Variants in CECR2 observed in about 807,000 individuals in gnomAD.
CECR2 encodes the protein CECR2 histone acetyl-lysine reader, also known as chromatin remodeling regulator CECR2.
Under a neutral mutation model 154.5 loss-of-function variants are expected in CECR2, and 30 were observed. The observed-to-expected ratio is 0.19, with a 90% CI of 0.15 to 0.26. The LOEUF (loss-of-function observed/expected upper bound fraction) is 0.26, where lower values mean the gene tolerates loss of function less well. Ranked by LOEUF, CECR2 falls within the 10% of genes least tolerant of loss-of-function variation. CECR2 has a pLI of 1.00. For missense variants in CECR2, 1,743 were observed against 1,829.3 expected, an observed-to-expected ratio of 0.95 and a Z score of 0.86; for synonymous variants, 725 against 683.7, an observed-to-expected ratio of 1.06 and a Z score of -0.94.
At chr22:17,496,035 T>C (rs1019332550) in intron 2 of CECR2, among the ~76,000 whole-genome samples, 3 of 152,100 alleles carry the variant, frequency 2.0e-5, no homozygotes, top group Middle Eastern at 3.2e-3. Context: ...AACACAATTA[T>C]AGGGTTTCCA....
At chr22:17,530,563 A>G (rs769813730) in intron 9 of CECR2, among the ~76,000 whole-genome samples, 1 of 151,834 alleles carries the variant, frequency 6.6e-6, no homozygotes, top group Non-Finnish European at 1.5e-5. Flanking sequence ...TGTAGTCCCA[A>G]CTACTCGGGA....
At chr22:17,529,246 A>G (rs1363436914) in intron 9 of CECR2, among the ~76,000 whole-genome samples, 1 of 152,152 alleles carries the variant, frequency 6.6e-6, no homozygotes, top group Admixed American at 6.6e-5. Context: ...GCGAGGCTGC[A>G]GCGGAGGGGA....
chr22:17,519,222 G>A (rs174303), intron 8 of CECR2, among the ~76,000 whole-genome samples: 21,311 of 151,768 alleles, frequency 0.14, 1,943 homozygotes, highest in Non-Finnish European at 0.2. Context: ...CTGTAGCTCT[G>A]TGCAGTCCGT....
chr22:17,363,531 C>T lies in CECR2; in HGVS notation c.-364+3508C>T, dbSNP rs562089005. Among the ~76,000 whole-genome samples, 331 of 152,068 alleles carry T rather than the reference C, an allele frequency of 2.2e-3. 3 individuals carry two copies. The highest frequency in any genetic ancestry group is 7.5e-3 in the African/African-American group (310 of 41,514). Reference sequence around the variant, plus strand: ...CCAATTTTTGTATTTTAAGCAAAGACAGGGTTTCACTATGTTGGCCAGGCT... The same window carrying T: ...CCAATTTTTGTATTTTAAGCAAAGATAGGGTTTCACTATGTTGGCCAGGCT... On this transcript the variant is annotated intron_variant, in intron 1 of 18. Coordinates refer to the CECR2 transcript ENST00000400585.
chr22:17,371,525 G>A (rs557822844), intron 1 of CECR2, among the ~76,000 whole-genome samples: 27 of 152,332 alleles, frequency 1.8e-4, no homozygotes, highest in African/African-American at 5.3e-4. Context: ...AAAGAGTTGG[G>A]AATCCTAAAG....
chr22:17,375,974 A>C (rs2063114638), intron 1 of CECR2, among the ~76,000 whole-genome samples: 1 of 151,930 alleles, frequency 6.6e-6, no homozygotes, highest in Non-Finnish European at 1.5e-5. Context: ...AAAAAAAAAA[A>C]ATAGTCCTTT....
intron 1 of CECR2, among the ~76,000 whole-genome samples, chr22:17,372,389 G>T (rs1165432193): frequency 6.6e-6 from 1 of 152,124 alleles, no homozygotes; most frequent in Admixed American, 6.5e-5. Context: ...GTATTTTCTC[G>T]ACTCGGTGGC....
intron 1 of CECR2, among the ~76,000 whole-genome samples, chr22:17,392,305 A>G (rs1236780630): frequency 6.6e-6 from 1 of 151,992 alleles, no homozygotes; most frequent in Non-Finnish European, 1.5e-5. Flanking sequence ...AGCCTGGCCA[A>G]CATGGCGAAA....
rs914139476 is a variant in CECR2 at position 17,548,790 on chromosome 22, C to A, written c.3503C>A (p.Pro1168Gln). The A allele has an allele frequency of 6.2e-7, 1 of 1,613,814 alleles. No homozygotes were observed. Among genetic ancestry groups the A allele is most frequent in the African/African-American group, 1.3e-5 (1 of 75,038 alleles). ...FPPRGFQSNH[P>Q]HSGGFPRYRP... ...CCAAGGGGCTTTCAGTCTAACCACC[C>A]ACATTCTGGAGGCTTTCCCCGGTAT... Residue 1168 changes from proline to glutamine, a missense_variant, in exon 17 of 19, where the codon CCA becomes CAA. Coordinates refer to ENST00000262608, the MANE Select transcript of CECR2 (RefSeq NM_001290047.2).
At chr22:17,369,315 C>CCCCTCCCCCTCCCTGG (rs2063025640), upstream of CECR2, 1 of 150,720 alleles carries the variant, frequency 6.6e-6, no homozygotes, top group Non-Finnish European at 1.5e-5. Flanking sequence ...GCGCGCCCCG[C>CCCCTCCCCCTCCCTGG]CCCTCCCCCT....
intron 2 of CECR2, among the ~76,000 whole-genome samples, chr22:17,482,115 C>CAAAAAAAAAAAAAAAA (rs869050391): frequency 3.9e-5 from 3 of 76,308 alleles, no homozygotes; most frequent in East Asian, 5.0e-4. Context: ...ACTCTGTCTC[C>CAAAAAAAAAAAAAAAA]AAAAAAAAAA....
chr22:17,498,232 T>TA (rs1288251321), intron 3 of CECR2, among the ~76,000 whole-genome samples: 4 of 150,652 alleles, frequency 2.7e-5, no homozygotes, highest in South Asian at 2.1e-4. Context: ...CCACTAAAAG[T>TA]AAAAAAAAAT....
rs695493 is a variant in CECR2 at position 17,545,374 on chromosome 22, C to CAAAAAAAAAAAAA, written c.2860+2382_2860+2394dup. On this transcript the variant is annotated intron_variant, in intron 16 of 18. Transcript: ENST00000262608. ...TGGGCGAAACAGCGAGACTCCGTCTCAAAAAAAAAAAAAAAAAAAAAAAGA... is the reference window on the plus strand; with the variant it reads ...TGGGCGAAACAGCGAGACTCCGTCTCAAAAAAAAAAAAAAAAAAAAAAAAAAAAAAAAAAAAGA... Among the ~76,000 whole-genome samples, 48 of 46,436 alleles carry CAAAAAAAAAAAAA rather than the reference C, an allele frequency of 1.0e-3. 4 individuals carry two copies. The highest frequency in any genetic ancestry group is 2.3e-3 in the African/African-American group (26 of 11,094). 30.5% of individuals were successfully genotyped at this position (46,436 alleles called of 152,430 possible). A position where few individuals can be genotyped will look rare whatever the true frequency, so the allele number is the denominator to read the frequency against.
chr22:17,453,480 A>G (rs2054804617), intron 1 of CECR2, among the ~76,000 whole-genome samples: 2 of 152,182 alleles, frequency 1.3e-5, no homozygotes, highest in African/African-American at 4.8e-5. Context: ...TTAGAGTAGT[A>G]TGTGGATTTG....
intron 1 of CECR2, among the ~76,000 whole-genome samples, chr22:17,443,816 G>T (rs909408947): frequency 1.3e-5 from 2 of 152,116 alleles, no homozygotes; most frequent in East Asian, 3.9e-4. Context: ...CTTAAGATCA[G>T]CCTGACAAGC....
intron 1 of CECR2, among the ~76,000 whole-genome samples, chr22:17,453,313 A>G (rs2054801117): frequency 1.3e-5 from 2 of 152,082 alleles, no homozygotes; most frequent in Admixed American, 6.6e-5. Context: ...ACGGTGGCGT[A>G]TGCCTGTAAT....
chr22:17,498,181 G>C lies in CECR2; in HGVS notation c.405+595G>C, dbSNP rs2055665890. ...CAAGGCAGGCAGATCACGAAGTCAG[G>C]AGATCGAGACCATCCTGGCTAACAC... is the stretch of plus-strand genomic sequence containing the variant. On this transcript the variant is annotated intron_variant, in intron 3 of 18. Transcript: ENST00000262608. 7.2e-5 allele frequency among the ~76,000 whole-genome samples: 11 copies of C among 152,274 alleles called. 1 individual carries two copies. The South Asian group carries it at 2.3e-3, about 32-fold the overall frequency.
Position 17,548,208 on chromosome 22 carries a change from A to T in CECR2, c.2921A>T (p.Tyr974Phe), listed in dbSNP as rs1361762224. ...GGTGTTGGTACTTCAGAGGGGGTCT[A>T]CCTCACACAACTACCTCACCCCACA... Reference protein sequence around the residue: ...PPGVGTSEGVYLTQLPHPTPP... With the variant: ...PPGVGTSEGVFLTQLPHPTPP... Residue 974 changes from tyrosine to phenylalanine, a missense_variant, in exon 17 of 19, where the codon TAC becomes TTC. Physicochemically the swap from Tyr to Phe is conservative, Grantham distance 22. Around this residue, in one of 4 missense-constraint regions of CECR2, gnomAD observed 1,250 missense variants for 1,192.1 expected, o/e 1.05. Transcript: ENST00000262608. 6.3e-7 allele frequency: 1 copy of T among 1,590,148 alleles called. No individual in the cohort carries two copies. Among genetic ancestry groups the T allele is most frequent in the East Asian group, 2.3e-5 (1 of 43,540 alleles).
intron 9 of CECR2, among the ~76,000 whole-genome samples, chr22:17,529,719 G>T (rs1294742614): frequency 6.6e-6 from 1 of 151,104 alleles, no homozygotes; most frequent in Non-Finnish European, 1.5e-5. Context: ...AAAAAAGGAA[G>T]GATTAAATGA....
Sources: allele counts gnomAD v4.1 joint callset (sites outside exome capture counted in the v4.1 genomes callset), GRCh38; gene constraint gnomAD v4.1.1; regional missense constraint gnomAD v4.1.1; transcripts MANE v1.5; gene names NCBI Gene and HGNC (gene_info 2026-07-23, HGNC 2026-07-21).